Variants in RIF1 observed in about 807,000 individuals in gnomAD.
RIF1 encodes telomere-associated protein RIF1.
In RIF1, 45 loss-of-function variants were observed where a neutral mutation model predicts 247.1. The ratio of observed to expected loss-of-function variants is 0.18; its 90% CI spans 0.14 to 0.23. The LOEUF is 0.23. Among genes scored for constraint, RIF1 ranks in the 10% least tolerant of loss-of-function variants. The pLI, the probability that RIF1 is intolerant of heterozygous loss-of-function variation, is 1.00. For missense variants in RIF1, 2,967 were observed against 2,862.5 expected, an observed-to-expected ratio of 1.04 and a Z score of -0.83; for synonymous variants, 1,087 against 978.8, an observed-to-expected ratio of 1.11 and a Z score of -2.06.
intron 9 of RIF1, among the ~76,000 whole-genome samples, chr2:151,488,948 A>G (rs2053679803): frequency 6.6e-6 from 1 of 151,950 alleles, no homozygotes; most frequent in Admixed American, 6.5e-5. Flanking sequence ...TAATAGCTTT[A>G]TAGTATGTTT....
At chr2:151,449,224 C>T (rs1693841425) in intron 20 of RIF1, among the ~76,000 whole-genome samples, 1 of 152,094 alleles carries the variant, frequency 6.6e-6, no homozygotes, top group African/African-American at 2.4e-5. Context: ...TTGGGATACA[C>T]TTCTTGGTTA....
the RIF1 span, chr2:151,519,873 G>GC: frequency 1.4e-6 from 1 of 715,198 alleles, no homozygotes; most frequent in Non-Finnish European, 2.5e-6. Flanking sequence ...TGTACATAGA[G>GC]TGATCATATA....
chr2:151,506,613 A>G (rs181400452), intron 13 of RIF1, among the ~76,000 whole-genome samples: 1 of 152,304 alleles, frequency 6.6e-6, no homozygotes, highest in African/African-American at 2.4e-5. Context: ...GGATAACAAA[A>G]GAAATCACAA....
chr2:151,468,351 T>A, intron 31 of RIF1, 123 bp from the exon 32 acceptor site: 1 of 879,926 alleles, frequency 1.1e-6, no homozygotes, highest in East Asian at 2.5e-5. Context: ...GATTAGGTAG[T>A]AGATTACTCT....
At chr2:151,519,658 C>T in the RIF1 span, 1 of 1,598,706 alleles carries the variant, frequency 6.3e-7, no homozygotes. Flanking sequence ...AGAAACATAC[C>T]TCACTTGCAA....
chr2:151,412,138 ACAT>A (rs1290922169), intron 3 of RIF1, among the ~76,000 whole-genome samples: 1 of 152,162 alleles, frequency 6.6e-6, no homozygotes, highest in Non-Finnish European at 1.5e-5. Flanking sequence ...ATGATGTTTG[ACAT>A]CATACTGTGG....
chr2:151,496,818 A>T (rs576352358), intron 10 of RIF1: 1 of 1,211,922 alleles, frequency 8.3e-7, no homozygotes, highest in African/African-American at 1.5e-5. Context: ...AAAAGGATAA[A>T]TTTGCTAAAG....
chr2:151,455,467 T>C (rs1455509717), intron 22 of RIF1, among the ~76,000 whole-genome samples: 2 of 152,220 alleles, frequency 1.3e-5, no homozygotes, highest in Non-Finnish European at 2.9e-5. Context: ...CTTGGCATGC[T>C]GTTTTGCAAT....
rs1326599498 is a variant in RIF1, at chr2:151,476,691, T to C, written c.*1620T>C. The C allele has an allele frequency of 1.3e-5, 2 of 152,218 alleles. No homozygotes were observed. Among genetic ancestry groups the C allele is most frequent in the Non-Finnish European group, 2.9e-5 (2 of 68,046 alleles). The allele number at this position is 152,218 out of a possible 1,614,324, so 9.4% of individuals were successfully genotyped here. A position where few individuals can be genotyped will look rare whatever the true frequency, so the allele number is the denominator to read the frequency against. ...AATTCTGGGATCATTGAATTAAGGA[T>C]TGTGGCTTGAAGTAACTAAAGAAAA... is the stretch of plus-strand genomic sequence containing the variant. On this transcript the variant is annotated 3_prime_UTR_variant, in exon 36 of 36. Transcript: ENST00000444746.
intron 10 of RIF1, among the ~76,000 whole-genome samples, chr2:151,434,158 A>T (rs1573965678): frequency 7.3e-6 from 1 of 137,856 alleles, no homozygotes; most frequent in Non-Finnish European, 1.6e-5. Context: ...ACAGAGTGAG[A>T]CTCCATCTCA....
At chr2:151,432,972 T>C in intron 9 of RIF1, 105 bp from the exon 10 acceptor site, 1 of 876,572 alleles carries the variant, frequency 1.1e-6, no homozygotes, top group East Asian at 2.7e-5. Context: ...TAAAAAAATT[T>C]TAAAATACGT....
rs781353794 is a variant in RIF1, at chr2:151,465,144, A to G, written c.5624A>G (p.Glu1875Gly). The G allele has an allele frequency of 1.1e-5, 18 of 1,613,514 alleles. No homozygotes were observed. In the South Asian group the frequency reaches 2.0e-4, roughly 18 times the overall value. ...GGAGACTCGAAAAATGTTTCACAGGAATCTTTGGAGACAAAAGAAGAAAAA... is the reference window on the plus strand; with the variant it reads ...GGAGACTCGAAAAATGTTTCACAGGGATCTTTGGAGACAAAAGAAGAAAAA... ...CLGDSKNVSQ[E>G]SLETKEEKPE... is the part of the protein sequence containing the mutation. The change falls in exon 30 of 36, where the codon GAA becomes GGA. Residue 1875 changes from glutamate (E) to glycine (G), a missense_variant. Glu to Gly is a moderately conservative substitution (Grantham distance 98). This residue lies in a region of RIF1 where 2,028 missense variants were observed against 1,825.6 expected (regional missense o/e 1.11). Coordinates refer to ENST00000444746, the MANE Select transcript of RIF1 (RefSeq NM_018151.5).
chr2:151,490,139 GTT>G, intron 9 of RIF1: 1 of 1,330,420 alleles, frequency 7.5e-7, no homozygotes, highest in East Asian at 2.3e-5. Context: ...TTTAATCTGT[GTT>G]TAGCAGCTGA....
At chr2:151,523,175 G>GT in the RIF1 span, among the ~76,000 whole-genome samples, 1 of 152,020 alleles carries the variant, frequency 6.6e-6, no homozygotes, top group Non-Finnish European at 1.5e-5. Context: ...AGATTCCACT[G>GT]TTTTTTTGTT....
At chr2:151,499,422 C>G in exon 11 of RIF1, 3 of 1,287,344 alleles carry the variant, frequency 2.3e-6, no homozygotes, top group Non-Finnish European at 3.3e-6. Flanking sequence ...CCAGAAAAAA[C>G]AAGAGCAGTC....
Position 151,481,500 on chromosome 2 carries a change from A to G in RIF1, c.*6429A>G, listed in dbSNP as rs1448759965. On this transcript the variant is annotated 3_prime_UTR_variant, in exon 36 of 36. Transcript: ENST00000444746. ...ATAGACCTGACTGATAGCACTTACA[A>G]AAAGACTGATAGATGCCAAATCAGT... 1 of 152,230 alleles carries G rather than the reference A, an allele frequency of 6.6e-6. No homozygotes were observed. The highest frequency in any genetic ancestry group is 6.5e-5 in the Admixed American group (1 of 15,284). The allele number at this position is 152,230 out of a possible 1,614,324, so 9.4% of individuals were successfully genotyped here. A position where few individuals can be genotyped will look rare whatever the true frequency, so the allele number is the denominator to read the frequency against.
intron 31 of RIF1, 34 bp from the exon 32 acceptor site, chr2:151,468,438 TTC>T (rs746802577): frequency 6.7e-7 from 1 of 1,490,816 alleles, no homozygotes; most frequent in South Asian, 1.1e-5. Flanking sequence ...TCATCTAGGG[TTC>T]TGAGTGTTTT....
chr2:151,514,863 C>A, the RIF1 span: 1 of 1,588,070 alleles, frequency 6.3e-7, no homozygotes, highest in Non-Finnish European at 8.6e-7. Flanking sequence ...ACAAAGCTGG[C>A]GTGACCTCCA....
intron 9 of RIF1, chr2:151,494,183 C>G (rs759962661): frequency 1.2e-6 from 2 of 1,607,224 alleles, no homozygotes; most frequent in African/African-American, 2.7e-5. Context: ...TTCTTGATTG[C>G]GTTTGACTCT....
Sources: allele counts gnomAD v4.1 joint callset (sites outside exome capture counted in the v4.1 genomes callset), GRCh38; gene constraint gnomAD v4.1.1; regional missense constraint gnomAD v4.1.1; transcripts MANE v1.5; gene names NCBI Gene and HGNC (gene_info 2026-07-23, HGNC 2026-07-21).